The following DCC variants were observed in gnomAD, a reference collection of about 807,000 sequenced individuals.
DCC encodes netrin receptor DCC.
DCC carries 58 observed loss-of-function variants against 172.5 expected under a neutral mutation model. The ratio of observed to expected loss-of-function variants is 0.34; its 90% CI spans 0.27 to 0.42. The LOEUF (loss-of-function observed/expected upper bound fraction) is 0.42. Ranked by LOEUF, DCC falls within the 10% of genes least tolerant of loss-of-function variation. The pLI, the probability that DCC is intolerant of heterozygous loss-of-function variation, is 1.00. For missense variants in DCC, 1,740 were observed against 1,791.0 expected (o/e 0.97, Z 0.51); for synonymous variants, 709 against 644.5 (o/e 1.10, Z -1.52).
chr18:53,523,718 T>G (rs2046424854), intron 27 of DCC, among the ~76,000 whole-genome samples: 1 of 151,836 alleles, frequency 6.6e-6, no homozygotes, highest in Admixed American at 6.6e-5. Flanking sequence ...TGAGAACACA[T>G]GGACACAGGG....
intron 25 of DCC, among the ~76,000 whole-genome samples, chr18:53,471,308 A>G (rs2045693738): frequency 6.6e-6 from 1 of 152,220 alleles, no homozygotes; most frequent in Admixed American, 6.6e-5. Context: ...GTTAAAAACA[A>G]TCCAATTATA....
chr18:52,856,310 T>C (rs1473552978), intron 2 of DCC, among the ~76,000 whole-genome samples: 1 of 151,974 alleles, frequency 6.6e-6, no homozygotes, highest in Non-Finnish European at 1.5e-5. Flanking sequence ...CTTAAGATGA[T>C]AGAATTACTC....
At chr18:52,706,748 T>A (rs1374964722) in intron 1 of DCC, among the ~76,000 whole-genome samples, 5 of 152,108 alleles carry the variant, frequency 3.3e-5, no homozygotes, top group Non-Finnish European at 7.3e-5. Flanking sequence ...AAGGGAGAGA[T>A]GAAACATGAT....
At chr18:52,484,733 A>T (rs2030125285) in intron 1 of DCC, among the ~76,000 whole-genome samples, 1 of 151,884 alleles carries the variant, frequency 6.6e-6, no homozygotes, top group Non-Finnish European at 1.5e-5. Context: ...TGCTGCACCT[A>T]TCAAACCACC....
intron 21 of DCC, among the ~76,000 whole-genome samples, chr18:53,424,212 G>C (rs13381265): frequency 0.42 from 64,424 of 151,938 alleles, 15,422 homozygotes; most frequent in Non-Finnish European, 0.55. Flanking sequence ...AATTTCACCA[G>C]CTGCTTGGAA....
intron 11 of DCC, among the ~76,000 whole-genome samples, chr18:53,211,724 AAAAAT>A (rs887206339): frequency 1.2e-4 from 19 of 152,064 alleles, no homozygotes; most frequent in Non-Finnish European, 2.2e-4. Flanking sequence ...ACTCTGTCTC[AAAAAT>A]AAAATAAAAT....
intron 1 of DCC, among the ~76,000 whole-genome samples, chr18:52,723,344 T>C (rs1363614081): frequency 6.6e-6 from 1 of 152,216 alleles, no homozygotes; most frequent in East Asian, 1.9e-4. Flanking sequence ...TCAGACGCTT[T>C]ACTGGTGATC....
chr18:53,093,267 ACT>A (rs1482909982), intron 7 of DCC, among the ~76,000 whole-genome samples: 2 of 152,108 alleles, frequency 1.3e-5, no homozygotes, highest in African/African-American at 4.8e-5. Context: ...ACAGAGCGAG[ACT>A]CTGTCTCAAA....
rs142409481 is a variant in DCC, at chr18:52,945,461, A to T, written c.985+20091A>T. Among the ~76,000 whole-genome samples the T allele has an allele frequency of 2.5e-3, 384 of 152,342 alleles. 2 individuals carry two copies. Among genetic ancestry groups the T allele is most frequent in the African/African-American group, 8.5e-3 (355 of 41,578 alleles). ...TATGCTATCTGGCATATTAGAGAGG[A>T]TATCTAAAATTACAGATAACTAGAA... On this transcript the variant is annotated intron_variant, in intron 5 of 28. Coordinates refer to ENST00000442544, the MANE Select transcript of DCC (RefSeq NM_005215.4).
intron 12 of DCC, among the ~76,000 whole-genome samples, chr18:53,268,834 T>G (rs1016747605): frequency 6.6e-6 from 1 of 152,198 alleles, no homozygotes; most frequent in Non-Finnish European, 1.5e-5. Context: ...AGGACTGGGC[T>G]TGGCCTGCAG....
intron 1 of DCC, among the ~76,000 whole-genome samples, chr18:52,470,269 T>C (rs1024779493): frequency 6.6e-6 from 1 of 152,176 alleles, no homozygotes; most frequent in African/African-American, 2.4e-5. Context: ...TATGAGCTTA[T>C]GCAAATATGT....
At chr18:53,392,433 A>G (rs11082989) in intron 17 of DCC, among the ~76,000 whole-genome samples, 40,814 of 152,028 alleles carry the variant, frequency 0.27, 5,947 homozygotes, top group East Asian at 0.41. Context: ...CCACACTCCC[A>G]TTTAGCTAAT....
chr18:52,596,922 CT>C (rs1218393233), intron 1 of DCC, among the ~76,000 whole-genome samples: 2 of 152,182 alleles, frequency 1.3e-5, no homozygotes, highest in Non-Finnish European at 2.9e-5. Context: ...CTGAGCTTCG[CT>C]TTCCTTGCTT....
intron 5 of DCC, among the ~76,000 whole-genome samples, chr18:53,003,430 A>G (rs1257203264): frequency 2.0e-5 from 3 of 152,114 alleles, no homozygotes; most frequent in Admixed American, 1.3e-4. Context: ...TTGGGACCAC[A>G]CAGATGTGGG....
At chr18:53,502,429 G>T (rs1222616513) in intron 27 of DCC, among the ~76,000 whole-genome samples, 2 of 152,070 alleles carry the variant, frequency 1.3e-5, no homozygotes, top group East Asian at 3.9e-4. Context: ...TTTTAAAAGG[G>T]CTAATGTTTA....
At chr18:53,368,716 C>T (rs2058030599) in intron 15 of DCC, among the ~76,000 whole-genome samples, 1 of 152,004 alleles carries the variant, frequency 6.6e-6, no homozygotes, top group South Asian at 2.1e-4. Flanking sequence ...TCCATTAAAT[C>T]GTCTTGAAAT....
At chr18:53,195,725 C>T (rs908596697) in intron 9 of DCC, among the ~76,000 whole-genome samples, 1 of 152,226 alleles carries the variant, frequency 6.6e-6, no homozygotes, top group East Asian at 1.9e-4. Context: ...TTCATTCATC[C>T]ATCTATGCAA....
At chr18:53,120,611 G>T (rs2043470165) in intron 7 of DCC, among the ~76,000 whole-genome samples, 1 of 151,850 alleles carries the variant, frequency 6.6e-6, no homozygotes, top group African/African-American at 2.4e-5. Flanking sequence ...GCCCAGTAAA[G>T]ATGATGAATA....
chr18:52,927,136 CGTGTATATAT>C (rs1439719887), intron 5 of DCC, among the ~76,000 whole-genome samples: 19 of 19,844 alleles, frequency 9.6e-4, no homozygotes, highest in Non-Finnish European at 2.6e-3. Flanking sequence ...CACGTATATA[CGTGTATATAT>C]GTGTATATAT....
Sources: gnomAD v4.1 joint callset for allele counts (sites outside exome capture counted in the v4.1 genomes callset) on GRCh38, gnomAD v4.1.1 for gene constraint, MANE v1.5 for transcripts, NCBI Gene and HGNC (gene_info 2026-07-23, HGNC 2026-07-21) for gene names.